FHIP2A: variants seen among roughly 807,000 people sequenced by gnomAD.
FHIP2A encodes family with sequence similarity 160 member B1.
FHIP2A carries 46 observed loss-of-function variants against 93.5 expected under a neutral mutation model. The observed-to-expected ratio is 0.49, with a 90% confidence interval of 0.39 to 0.63. The LOEUF is 0.63. Among genes scored for constraint, FHIP2A ranks in the 20% least tolerant of loss-of-function variants. The pLI is 0.00. For missense variants in FHIP2A, 769 were observed against 909.7 expected (o/e 0.85, Z 1.99); for synonymous variants, 332 against 326.5 (o/e 1.02, Z -0.18).
intron 5 of FHIP2A, among the ~76,000 whole-genome samples, chr10:114,840,843 A>T (rs1175964473): frequency 1.3e-5 from 2 of 152,192 alleles, no homozygotes; most frequent in Admixed American, 1.3e-4. Flanking sequence ...GATGGAGATA[A>T]TTAGCAGGTA....
chr10:114,868,577 T>A (rs997304027), downstream of FHIP2A, among the ~76,000 whole-genome samples: 4 of 152,032 alleles, frequency 2.6e-5, no homozygotes, highest in African/African-American at 9.7e-5. Flanking sequence ...ATATATATAT[T>A]TTAAATATTA....
rs558992438 is a variant in FHIP2A, at chr10:114,829,476, C to T, written c.46-1376C>T. On this transcript the variant is annotated intron_variant, in intron 1 of 16. Transcript: ENST00000369248. Reference sequence around the variant, plus strand: ...GGGAGTGGCTCTTAGCATGCTAATGCATTACAATTAGTGTATAATGAGCAG... The same window carrying T: ...GGGAGTGGCTCTTAGCATGCTAATGTATTACAATTAGTGTATAATGAGCAG... Among the ~76,000 whole-genome samples the T allele has an allele frequency of 4.2e-4, 64 of 152,362 alleles. 1 individual carries two copies. The South Asian group carries it at 0.013, about 30-fold the overall frequency.
At chr10:114,852,435 A>G (rs2083742718) in intron 13 of FHIP2A, among the ~76,000 whole-genome samples, 1 of 152,162 alleles carries the variant, frequency 6.6e-6, no homozygotes, top group South Asian at 2.1e-4. Flanking sequence ...TGCTGTGGTC[A>G]GTGGCATATC....
rs1425306709 is a variant in FHIP2A at position 114,863,365 on chromosome 10, T to A, written c.*1825T>A. The A allele has an allele frequency of 2.0e-6, 2 of 989,312 alleles. No individual in the cohort carries two copies. Among genetic ancestry groups the A allele is most frequent in the Non-Finnish European group, 2.4e-6 (2 of 829,924 alleles). The allele number at this position is 989,312 out of a possible 1,614,324, so 61.3% of individuals were successfully genotyped here. A position where few individuals can be genotyped will look rare whatever the true frequency, so the allele number is the denominator to read the frequency against. On this transcript the variant is annotated 3_prime_UTR_variant, in exon 17 of 17. Transcript: ENST00000369248. ...TAAGGCATTAAGAGATATTAGATAT[T>A]TCTTAATGTTTTCATAGTGCTCAAT...
At chr10:114,850,033 G>T (rs758158043) in intron 13 of FHIP2A, among the ~76,000 whole-genome samples, 3 of 152,110 alleles carry the variant, frequency 2.0e-5, no homozygotes, top group Non-Finnish European at 4.4e-5. Flanking sequence ...CATTTGGGTT[G>T]TTTCTAATTG....
At chr10:114,831,973 G>A (rs1292363545) in intron 2 of FHIP2A, among the ~76,000 whole-genome samples, 5 of 152,118 alleles carry the variant, frequency 3.3e-5, no homozygotes, top group Non-Finnish European at 5.9e-5. Context: ...GGTTTTCTGT[G>A]TTAGTATACA....
chr10:114,882,576 A>G (rs954591887), intron 16 of FHIP2A, among the ~76,000 whole-genome samples: 2 of 152,152 alleles, frequency 1.3e-5, no homozygotes, highest in Non-Finnish European at 2.9e-5. Context: ...CTGTCATCGC[A>G]ATGTGGGATA....
chr10:114,894,779 G>T lies in FHIP2A; in HGVS notation c.2193-4711G>T, dbSNP rs140546776. Among the ~76,000 whole-genome samples the T allele has an allele frequency of 9.0e-3, 1,309 of 145,332 alleles. 8 individuals are homozygous for T. Among genetic ancestry groups the T allele is most frequent in the Non-Finnish European group, 0.014 (905 of 63,894 alleles). ...TTGTTAGGCAGGACTATGAGTAATG[G>T]TCTATAAAATACAACAAAAAAACTG... is the stretch of plus-strand genomic sequence containing the variant. On this transcript the variant is annotated intron_variant, in intron 16 of 16. Transcript: ENST00000369250.
chr10:114,892,242 C>T (rs1408298443), intron 16 of FHIP2A, among the ~76,000 whole-genome samples: 1 of 152,184 alleles, frequency 6.6e-6, no homozygotes, highest in Non-Finnish European at 1.5e-5. Flanking sequence ...AATCTTAAAA[C>T]TCTGCCCTAC....
At position 114,862,404 on chromosome 10, in the gene FHIP2A, A is replaced by C; in HGVS notation, c.*864A>C. 1 of 987,406 alleles carries C rather than the reference A, an allele frequency of 1.0e-6. No individual in the cohort carries two copies. Among genetic ancestry groups the C allele is most frequent in the Non-Finnish European group, 1.2e-6 (1 of 830,070 alleles). 61.2% of individuals were successfully genotyped at this position (987,406 alleles called of 1,614,324 possible). On this transcript the variant is annotated 3_prime_UTR_variant, in exon 17 of 17. Coordinates refer to ENST00000369248, the MANE Select transcript of FHIP2A (RefSeq NM_020940.4). ...AATTGCTTTATAAAATTGCTTTATA[A>C]TTTGATTTTCTTACTGAAACGCATG...
At chr10:114,844,798 T>C (rs2083690401) in intron 7 of FHIP2A, among the ~76,000 whole-genome samples, 1 of 152,274 alleles carries the variant, frequency 6.6e-6, no homozygotes, top group Non-Finnish European at 1.5e-5. Context: ...GTTTGTTTTT[T>C]CTTTGAGACG....
chr10:114,877,631 T>C (rs1275823747), intron 16 of FHIP2A, among the ~76,000 whole-genome samples: 1 of 152,170 alleles, frequency 6.6e-6, no homozygotes, highest in East Asian at 1.9e-4. Flanking sequence ...GATTCTATTG[T>C]TCAGACTACA....
intron 5 of FHIP2A, among the ~76,000 whole-genome samples, chr10:114,837,581 CAAT>C (rs2083643399): frequency 6.6e-6 from 1 of 152,098 alleles, no homozygotes; most frequent in Non-Finnish European, 1.5e-5. Context: ...AAGTTACATA[CAAT>C]AGAATTCACT....
Position 114,847,174 on chromosome 10 carries a change from T to C in FHIP2A, c.1653T>C (p.Pro551=). The change falls in exon 12 of 17, where the codon CCT becomes CCC. Residue 551 remains proline, a synonymous_variant. Coordinates refer to ENST00000369248, the MANE Select transcript of FHIP2A (RefSeq NM_020940.4). ...AAGAGTGGCTTAGTTCTTCACCTCC[T>C]GCTACTCCAGACCACCCCAAAAATG... ...PNQEWLSSSP[P]ATPDHPKNDG... The C allele has an allele frequency of 6.2e-7, 1 of 1,613,672 alleles. No homozygotes were observed. Among genetic ancestry groups the C allele is most frequent in the Non-Finnish European group, 8.5e-7 (1 of 1,179,646 alleles).
chr10:114,841,581 G>A (rs1241130545), intron 5 of FHIP2A, among the ~76,000 whole-genome samples: 4 of 152,040 alleles, frequency 2.6e-5, no homozygotes, highest in East Asian at 1.9e-4. Flanking sequence ...CACTGCACCC[G>A]GCCAATATGC....
At chr10:114,898,580 C>G (rs935928093) in intron 16 of FHIP2A, among the ~76,000 whole-genome samples, 1 of 152,166 alleles carries the variant, frequency 6.6e-6, no homozygotes, top group Non-Finnish European at 1.5e-5. Flanking sequence ...GGTCACTCTC[C>G]CCGACTCTTA....
At chr10:114,826,167 C>T (rs2083574756) in intron 1 of FHIP2A, among the ~76,000 whole-genome samples, 1 of 152,196 alleles carries the variant, frequency 6.6e-6, no homozygotes, top group African/African-American at 2.4e-5. Context: ...ACCACGAAAG[C>T]CTGGCTCCAA....
Position 114,846,743 on chromosome 10 carries a change from A to C in FHIP2A, c.1568+15A>C, listed in dbSNP as rs201882773. 3.2e-6 allele frequency: 5 copies of C among 1,575,936 alleles called. No individual in the cohort carries two copies. The East Asian group carries it at 1.1e-4, about 36-fold the overall frequency. ...GCAGGAGCAGTGTAAGTTTCCATCC[A>C]ACTCCGTGAGTTCAGCATTTCATGT... is the stretch of plus-strand genomic sequence containing the variant. On this transcript the variant is annotated intron_variant, in intron 11 of 16. Transcript: ENST00000369248.
chr10:114,854,090 A>C (rs1473297489), intron 13 of FHIP2A, among the ~76,000 whole-genome samples: 1 of 152,048 alleles, frequency 6.6e-6, no homozygotes, highest in Non-Finnish European at 1.5e-5. Flanking sequence ...TGTGCTTATA[A>C]ATATTCACAC....
Sources: gnomAD v4.1 joint callset for allele counts (sites outside exome capture counted in the v4.1 genomes callset) on GRCh38, gnomAD v4.1.1 for gene constraint, MANE v1.5 for transcripts, NCBI Gene and HGNC (gene_info 2026-07-23, HGNC 2026-07-21) for gene names.